The following UNKL variants were observed in gnomAD, a reference collection of about 807,000 sequenced individuals.
The protein encoded by UNKL is putative E3 ubiquitin-protein ligase UNKL.
In UNKL, 60 loss-of-function variants were observed where a neutral mutation model predicts 78.0. That is an observed-to-expected ratio of 0.77 (90% CI 0.63 to 0.95). The LOEUF is 0.95. Ranked by LOEUF, UNKL falls within the 40% of genes least tolerant of loss-of-function variation. The pLI, the probability that UNKL is intolerant of heterozygous loss-of-function variation, is 0.00. For synonymous variants in UNKL, 608 were observed against 474.8 expected (o/e 1.28, Z -3.65); for missense variants, 1,159 against 1,045.7 (o/e 1.11, Z -1.49).
At chr16:1,394,492 T>C in intron 6 of UNKL, 1 of 622,184 alleles carries the variant, frequency 1.6e-6, no homozygotes, top group Non-Finnish European at 3.0e-6. Flanking sequence ...CGCTTGATAT[T>C]TTCTGAAAGA....
intron 2 of UNKL, among the ~76,000 whole-genome samples, chr16:1,405,160 A>C (rs1374844054): frequency 1.4e-5 from 2 of 143,144 alleles, no homozygotes; most frequent in Non-Finnish European, 3.0e-5. Flanking sequence ...GTGCCACCAC[A>C]CTTCAGCATG....
chr16:1,398,837 G>A, intron 5 of UNKL: 1 of 1,563,552 alleles, frequency 6.4e-7, no homozygotes, highest in South Asian at 1.2e-5. Flanking sequence ...GGGGACAGCT[G>A]GGGCTCAGGC....
At chr16:1,386,949 C>T (rs1022896762) in intron 9 of UNKL, among the ~76,000 whole-genome samples, 2 of 152,180 alleles carry the variant, frequency 1.3e-5, no homozygotes, top group African/African-American at 4.8e-5. Context: ...CCTGCCCCCT[C>T]GTCCATAATC....
At chr16:1,379,385 A>C (rs1352611995) in intron 10 of UNKL, 1 of 767,382 alleles carries the variant, frequency 1.3e-6, no homozygotes, top group Non-Finnish European at 1.6e-6. Flanking sequence ...TAGGGGACGC[A>C]GGCGGCCCGA....
rs548582851 is a variant in UNKL, at chr16:1,396,164, AC to A, written c.852+1013del. 3.5e-3 allele frequency among the ~76,000 whole-genome samples: 535 copies of A among 151,744 alleles called. 7 individuals are homozygous for A. Among genetic ancestry groups the A allele is most frequent in the African/African-American group, 0.012 (498 of 41,344 alleles). ...ACCATGTTGACCAGGCTGGTTTCGAACCCCTGACCTCAAGTGATGTGCCCAC... is the reference window on the plus strand; with the variant it reads ...ACCATGTTGACCAGGCTGGTTTCGAACCCTGACCTCAAGTGATGTGCCCAC... On this transcript the variant is annotated intron_variant, in intron 6 of 14. Transcript: ENST00000389221.
intron 5 of UNKL, chr16:1,398,959 A>G (rs1427265138): frequency 3.3e-6 from 5 of 1,531,888 alleles, no homozygotes; most frequent in Non-Finnish European, 4.4e-6. Flanking sequence ...GACAAGATTG[A>G]GCCCAGGTGA....
intron 10 of UNKL, among the ~76,000 whole-genome samples, chr16:1,374,964 C>T (rs1174902058): frequency 2.0e-5 from 3 of 152,238 alleles, no homozygotes; most frequent in African/African-American, 7.2e-5. Context: ...GTCGGGAACA[C>T]AGCTGTGGGG....
chr16:1,363,257 T>C lies in UNKL; in HGVS notation c.*2983A>G, dbSNP rs1038047849. ...ATACTGATAAAAATAACTCCATGAA[T>C]TCTGTAAACCATTGCATAAATGCTA... On this transcript the variant is annotated 3_prime_UTR_variant, in exon 15 of 15. Transcript: ENST00000389221. The C allele has an allele frequency of 2.9e-6, 2 of 685,094 alleles. No individual in the cohort carries two copies. The highest frequency in any genetic ancestry group is 2.6e-6 in the Non-Finnish European group (1 of 385,370). The allele number at this position is 685,094 out of a possible 1,614,324, so 42.4% of individuals were successfully genotyped here. A position where few individuals can be genotyped will look rare whatever the true frequency, so the allele number is the denominator to read the frequency against.
At chr16:1,371,140 T>C (rs1287134195) in intron 11 of UNKL, among the ~76,000 whole-genome samples, 1 of 150,156 alleles carries the variant, frequency 6.7e-6, no homozygotes. Flanking sequence ...TTGTCTACAA[T>C]GTGAATACAT....
chr16:1,390,236 T>C (rs2036990806), intron 9 of UNKL, among the ~76,000 whole-genome samples: 1 of 152,188 alleles, frequency 6.6e-6, no homozygotes, highest in South Asian at 2.1e-4. Flanking sequence ...TCCGCCCACC[T>C]TGGCCTCTCA....
At chr16:1,372,169 C>T (rs1227893581) in intron 10 of UNKL, among the ~76,000 whole-genome samples, 5 of 151,854 alleles carry the variant, frequency 3.3e-5, no homozygotes, top group African/African-American at 9.7e-5. Context: ...GAGGCTGAGG[C>T]GGAAGAATGG....
intron 8 of UNKL, 114 bp downstream of exon 8, chr16:1,392,771 CCACGAA>C: frequency 1.7e-6 from 2 of 1,185,688 alleles, no homozygotes; most frequent in South Asian, 2.8e-5. Flanking sequence ...TCTAGAAGAG[CCACGAA>C]CTCCACAGAC....
intron 2 of UNKL, among the ~76,000 whole-genome samples, chr16:1,405,177 A>G (rs2037694092): frequency 7.3e-6 from 1 of 136,750 alleles, no homozygotes; most frequent in Non-Finnish European, 1.5e-5. Flanking sequence ...CATGGGCAAC[A>G]GAGCAAGACC....
intron 10 of UNKL, among the ~76,000 whole-genome samples, chr16:1,372,534 C>T (rs1345390029): frequency 6.6e-6 from 1 of 152,110 alleles, no homozygotes; most frequent in African/African-American, 2.4e-5. Flanking sequence ...CAAGCAGGGA[C>T]CCCACTGCCC....
intron 10 of UNKL, among the ~76,000 whole-genome samples, chr16:1,378,413 C>T (rs1309599720): frequency 6.6e-6 from 1 of 152,220 alleles, no homozygotes; most frequent in African/African-American, 2.4e-5. Context: ...GCCCCTCACA[C>T]CTGGCAGAGA....
rs1205099534 is a variant in UNKL, at chr16:1,413,859, G to C, written c.274C>G (p.Pro92Ala). 3 of 1,526,158 alleles carry C rather than the reference G, an allele frequency of 2.0e-6. No individual in the cohort carries two copies. The highest frequency in any genetic ancestry group is 2.7e-6 in the Non-Finnish European group (3 of 1,127,764). The allele number at this position is 1,526,158 out of a possible 1,614,324, so 94.5% of individuals were successfully genotyped here. A position where few individuals can be genotyped will look rare whatever the true frequency, so the allele number is the denominator to read the frequency against. Reference protein sequence around the residue: ...SKYNEATGVCPDGDECPYLHR... With the variant: ...SKYNEATGVCADGDECPYLHR... ...GCGGCCGCTTACTCGTCGCCGTCGGGGCACACGCCGGTGGCTTCGTTGTAC... is the reference window on the plus strand; with the variant it reads ...GCGGCCGCTTACTCGTCGCCGTCGGCGCACACGCCGGTGGCTTCGTTGTAC... The change falls in exon 2 of 15, where the codon CCC becomes GCC. Residue 92 changes from proline to alanine, a missense_variant. Pro to Ala is a conservative substitution (Grantham distance 27). Coordinates refer to ENST00000389221, the MANE Select transcript of UNKL (RefSeq NM_001372107.1).
intron 8 of UNKL, among the ~76,000 whole-genome samples, chr16:1,391,647 C>T (rs1159407739): frequency 6.6e-6 from 1 of 151,878 alleles, no homozygotes; most frequent in East Asian, 1.9e-4. Context: ...GATGCCTGAA[C>T]CTGCTGGCTC....
At chr16:1,386,481 G>A (rs2036816574) in intron 9 of UNKL, among the ~76,000 whole-genome samples, 1 of 152,092 alleles carries the variant, frequency 6.6e-6, no homozygotes, top group Admixed American at 6.6e-5. Flanking sequence ...TTGAATCCGG[G>A]AGGCAGTGGT....
Position 1,389,904 on chromosome 16 carries a change from A to C in UNKL, c.1086+728T>G, listed in dbSNP as rs188257229. ...CTGCAACCTCCACCTCCTGGGCTCC[A>C]GCAATTCTCTTGCCTCAGCCTCCCA... On this transcript the variant is annotated intron_variant, in intron 9 of 14. Coordinates refer to ENST00000389221, the MANE Select transcript of UNKL (RefSeq NM_001372107.1). Among the ~76,000 whole-genome samples, 5 of 152,334 alleles carry C rather than the reference A, an allele frequency of 3.3e-5. No individual in the cohort carries two copies. In the East Asian group the frequency reaches 9.7e-4, roughly 29 times the overall value.
Sources: allele counts gnomAD v4.1 joint callset (sites outside exome capture counted in the v4.1 genomes callset), GRCh38; gene constraint gnomAD v4.1.1; transcripts MANE v1.5; gene names NCBI Gene and HGNC (gene_info 2026-07-23, HGNC 2026-07-21).